RGS3: variants seen among roughly 807,000 people sequenced by gnomAD.
RGS3 encodes the protein regulator of G protein signaling 3, also known as regulator of G-protein signalling 3.
In RGS3, 80 loss-of-function variants were observed where a neutral mutation model predicts 132.6. The ratio of observed to expected loss-of-function variants is 0.60; its 90% CI spans 0.50 to 0.73. The LOEUF (loss-of-function observed/expected upper bound fraction) is 0.73. Among genes scored for constraint, RGS3 ranks in the 30% least tolerant of loss-of-function variants. The pLI, the probability that RGS3 is intolerant of heterozygous loss-of-function variation, is 0.00. For synonymous variants in RGS3, 598 were observed against 620.6 expected, an observed-to-expected ratio of 0.96 and a Z score of 0.54; for missense variants, 1,382 against 1,530.8, an observed-to-expected ratio of 0.90 and a Z score of 1.62.
At chr9:113,559,921 A>C (rs1182299634) in intron 19 of RGS3, among the ~76,000 whole-genome samples, 1 of 152,248 alleles carries the variant, frequency 6.6e-6, no homozygotes, top group African/African-American at 2.4e-5. Flanking sequence ...CATCATAGCA[A>C]TAACAATGAT....
At chr9:113,584,578 CTG>C in intron 20 of RGS3, 151 bp downstream of exon 18, 2 of 865,268 alleles carry the variant, frequency 2.3e-6, no homozygotes, top group East Asian at 2.8e-5. Context: ...GAAGATAAAA[CTG>C]AGGCCCAATG....
At chr9:113,588,245 T>C (rs1195270343) in intron 20 of RGS3, among the ~76,000 whole-genome samples, 1 of 152,202 alleles carries the variant, frequency 6.6e-6, no homozygotes, top group Non-Finnish European at 1.5e-5. Context: ...GCCTTCCAGC[T>C]CCAAGACGAT....
intron 4 of RGS3, among the ~76,000 whole-genome samples, chr9:113,480,458 CAAAAAAAAAAAA>C (rs755925249): frequency 1.5e-5 from 1 of 65,894 alleles, no homozygotes; most frequent in Non-Finnish European, 2.9e-5. Flanking sequence ...GACTCCGTCT[CAAAAAAAAAAAA>C]AAAAAAAAGA....
rs777278442 is a variant in RGS3 at position 113,479,560 on chromosome 9, A to G, written c.466+19A>G. 2 of 1,613,584 alleles carry G rather than the reference A, an allele frequency of 1.2e-6. No homozygotes were observed. Among genetic ancestry groups the G allele is most frequent in the East Asian group, 2.2e-5 (1 of 44,864 alleles). ...CTTCACAGTGAGTACGGCTTTGTGC[A>G]GGCTCACCAAGGAAGGGGCGGGCCA... is the stretch of plus-strand genomic sequence containing the variant. On this transcript the variant is annotated intron_variant, in intron 4 of 24. Transcript: ENST00000350696.
rs377444493 is a variant in RGS3, at chr9:113,553,603, A to T, written c.2037+16685A>T. 1.1e-4 allele frequency among the ~76,000 whole-genome samples: 17 copies of T among 150,186 alleles called. No individual in the cohort carries two copies. The East Asian group carries it at 3.1e-3, about 28-fold the overall frequency. ...CCACCTGTAATCCCAGCACTTTGGGAGGCCGAGGTGGGCAGATCACCTGAG... is the reference window on the plus strand; with the variant it reads ...CCACCTGTAATCCCAGCACTTTGGGTGGCCGAGGTGGGCAGATCACCTGAG... On this transcript the variant is annotated intron_variant, in intron 19 of 24. Coordinates refer to ENST00000350696, the Ensembl canonical transcript of RGS3.
chr9:113,582,092 A>G (rs1207959413), intron 19 of RGS3: 1 of 985,206 alleles, frequency 1.0e-6, no homozygotes, highest in African/African-American at 1.7e-5. Flanking sequence ...GACCCCTGAC[A>G]CGTGTGTGCA....
At chr9:113,511,252 GC>G (rs1284311426) in intron 14 of RGS3, among the ~76,000 whole-genome samples, 1 of 152,200 alleles carries the variant, frequency 6.6e-6, no homozygotes, top group African/African-American at 2.4e-5. Flanking sequence ...TGGGAGCAAA[GC>G]CCTGTAATTA....
intron 20 of RGS3, among the ~76,000 whole-genome samples, chr9:113,590,943 A>G (rs1835388770): frequency 6.6e-6 from 1 of 152,204 alleles, no homozygotes; most frequent in African/African-American, 2.4e-5. Context: ...AATCATTATG[A>G]TCCTGATTTT....
At chr9:113,495,764 C>T (rs759624340) in intron 7 of RGS3, 22 bp from the exon 6 acceptor site, 2 of 1,612,532 alleles carry the variant, frequency 1.2e-6, no homozygotes, top group East Asian at 4.5e-5. Context: ...AATGCTGACT[C>T]AAGTCTCACT....
chr9:113,527,045 C>T (rs990253205), intron 17 of RGS3, among the ~76,000 whole-genome samples: 8 of 152,194 alleles, frequency 5.3e-5, no homozygotes, highest in African/African-American at 1.9e-4. Flanking sequence ...GCCCCCATTC[C>T]GTCCTCCTCT....
In RGS3 at chr9:113,483,159, G is replaced by T. The variant is rs756509809; in HGVS notation, c.525+42G>T. On this transcript the variant is annotated intron_variant, in intron 5 of 24. Transcript: ENST00000350696. Reference sequence around the variant, plus strand: ...GAGATGGAGAGTGGGATATTGAGGGGCCATGTTACTGGGCTCAGTCCCAAG... The same window carrying T: ...GAGATGGAGAGTGGGATATTGAGGGTCCATGTTACTGGGCTCAGTCCCAAG... 4.9e-6 allele frequency: 7 copies of T among 1,432,490 alleles called. 1 individual carries two copies. The South Asian group carries it at 8.3e-5, about 17-fold the overall frequency. The allele number at this position is 1,432,490 out of a possible 1,614,324, so 88.7% of individuals were successfully genotyped here. A position where few individuals can be genotyped will look rare whatever the true frequency, so the allele number is the denominator to read the frequency against.
intron 19 of RGS3, among the ~76,000 whole-genome samples, chr9:113,545,144 T>C (rs1833057362): frequency 6.6e-6 from 1 of 152,174 alleles, no homozygotes. Flanking sequence ...CCTTCCCCTT[T>C]TGAATTTGGC....
chr9:113,483,005 G>C (rs1830213865), intron 4 of RGS3, 54 bp from the exon 3 acceptor site: 6 of 1,468,476 alleles, frequency 4.1e-6, no homozygotes, highest in African/African-American at 1.4e-5. Flanking sequence ...CTTTCTCGCT[G>C]TGTGTGTGTG....
At chr9:113,536,758 G>C (rs777584704) in intron 18 of RGS3, 38 bp from the exon 17 acceptor site, 1 of 1,606,110 alleles carries the variant, frequency 6.2e-7, no homozygotes, top group Non-Finnish European at 8.5e-7. Context: ...CCAGGGAGCA[G>C]CCCTGACCGT....
intron 3 of RGS3, among the ~76,000 whole-genome samples, chr9:113,468,450 T>C (rs1366026601): frequency 6.6e-6 from 1 of 152,228 alleles, no homozygotes; most frequent in African/African-American, 2.4e-5. Context: ...TTGATTACTG[T>C]TGCTTTGTAG....
At chr9:113,589,109 GC>G (rs1332444763) in intron 20 of RGS3, 18 of 152,412 alleles carry the variant, frequency 1.2e-4, no homozygotes, top group Admixed American at 8.5e-4. Context: ...ACCTCCATCT[GC>G]TTTTCAGCTG....
chr9:113,583,872 C>T, exon 20 of RGS3: 2 of 1,613,964 alleles, frequency 1.2e-6, no homozygotes, highest in Non-Finnish European at 1.7e-6. Flanking sequence ...TGCCTCCTAG[C>T]CAGGTCTCCC....
chr9:113,520,616 C>G (rs1831904160), intron 16 of RGS3, among the ~76,000 whole-genome samples: 1 of 151,372 alleles, frequency 6.6e-6, no homozygotes, highest in South Asian at 2.1e-4. Context: ...CCCCTGCCAG[C>G]CTCCCTCTGG....
At chr9:113,488,321 G>A (rs943572046) in intron 7 of RGS3, among the ~76,000 whole-genome samples, 1 of 152,146 alleles carries the variant, frequency 6.6e-6, no homozygotes, top group African/African-American at 2.4e-5. Context: ...GGTCAGAGCT[G>A]TGAAGTAGGG....
Sources: allele counts gnomAD v4.1 joint callset (sites outside exome capture counted in the v4.1 genomes callset), GRCh38; gene constraint gnomAD v4.1.1; transcripts MANE v1.5; gene names NCBI Gene and HGNC (gene_info 2026-07-23, HGNC 2026-07-21).